MYLK4: variants seen among roughly 807,000 people sequenced by gnomAD.
MYLK4 encodes myosin light chain kinase family member 4.
Under a neutral mutation model 48.1 loss-of-function variants are expected in MYLK4, and 46 were observed. The observed-to-expected ratio is 0.96, with a 90% CI of 0.75 to 1.22. The LOEUF (loss-of-function observed/expected upper bound fraction) is 1.22. Ranked by LOEUF, MYLK4 falls within the 50% of genes most tolerant of loss-of-function variation. MYLK4 has a pLI of 0.00. For missense variants in MYLK4, 451 were observed against 486.1 expected (o/e 0.93, Z 0.68); for synonymous variants, 170 against 180.8 (o/e 0.94, Z 0.48).
chr6:2,768,920 C>T, the MYLK4 span: 16 of 1,565,370 alleles, frequency 1.0e-5, no homozygotes, highest in East Asian at 1.4e-4. Context: ...TCGTTGTGAA[C>T]ATCAAACAAT....
At chr6:2,699,764 C>T (rs1475781121) in intron 2 of MYLK4, among the ~76,000 whole-genome samples, 2 of 152,064 alleles carry the variant, frequency 1.3e-5, no homozygotes, top group Admixed American at 6.5e-5. Flanking sequence ...GTTATATGTT[C>T]GGAGCTGAGG....
At chr6:2,763,860 C>G in the MYLK4 span, among the ~76,000 whole-genome samples, 2,543 of 148,952 alleles carry the variant, frequency 0.017, 71 homozygotes, top group African/African-American at 0.058. Context: ...AAAAAAAAAG[C>G]TCACGGTCGG....
chr6:2,748,864 G>A (rs1350104784), intron 2 of MYLK4, among the ~76,000 whole-genome samples: 1 of 152,324 alleles, frequency 6.6e-6, no homozygotes, highest in South Asian at 2.1e-4. Flanking sequence ...TCATGCTAAA[G>A]GATTCTTCTT....
chr6:2,678,125 T>C (rs1157664956), intron 10 of MYLK4, 95 bp downstream of exon 10: 1 of 1,446,846 alleles, frequency 6.9e-7, no homozygotes, highest in South Asian at 1.3e-5. Flanking sequence ...GCATCACAGA[T>C]GTTAGTAAGA....
At chr6:2,674,699 C>CT (rs1190957901) in intron 11 of MYLK4, among the ~76,000 whole-genome samples, 1 of 152,086 alleles carries the variant, frequency 6.6e-6, no homozygotes, top group African/African-American at 2.4e-5. Flanking sequence ...TGGTGAAACT[C>CT]TGTTTCCACT....
Position 2,685,362 on chromosome 6 carries a change from TG to T in MYLK4, c.478del (p.His160ThrfsTer40), listed in dbSNP as rs1198709412. ...NEISVMNQLD[H>X]ANLIQLYDAF... ...ATCGTACAGCTGGATGAGGTTCGCG[TG>T]GTCCAGCTGGTTCATGACGCTGATC... is the stretch of plus-strand genomic sequence containing the variant. On this transcript the variant is annotated frameshift_variant, in exon 6 of 13. Coordinates refer to ENST00000274643, the MANE Select transcript of MYLK4 (RefSeq NM_001012418.5). LOFTEE classifies it high-confidence loss of function. This position sits in a 1 kb window ranked among gnomAD's most constrained non-coding sequence, Gnocchi z 4.5. The T allele has an allele frequency of 6.2e-7, 1 of 1,609,436 alleles. No homozygotes were observed.
intron 2 of MYLK4, among the ~76,000 whole-genome samples, chr6:2,712,455 T>C (rs1582081933): frequency 1.3e-5 from 2 of 152,322 alleles, no homozygotes; most frequent in Admixed American, 1.3e-4. Context: ...ACATCGCCAG[T>C]GATGTAAAAG....
Position 2,678,204 on chromosome 6 carries a change from G to A in MYLK4, c.1040+16C>T, listed in dbSNP as rs750707358. The A allele has an allele frequency of 2.4e-5, 39 of 1,612,736 alleles. No homozygotes were observed. The highest frequency in any genetic ancestry group is 6.7e-5 in the Admixed American group (4 of 59,950). On this transcript the variant is annotated intron_variant, in intron 10 of 12. Coordinates refer to ENST00000274643, the MANE Select transcript of MYLK4 (RefSeq NM_001012418.5). Reference sequence around the variant, plus strand: ...CATCCCTACTGCGCCCGGAGCACAGGACGAACTTGCGTTACCTCTTCTCCT... The same window carrying A: ...CATCCCTACTGCGCCCGGAGCACAGAACGAACTTGCGTTACCTCTTCTCCT...
chr6:2,665,338 T>G lies in MYLK4; in HGVS notation c.*2587A>C, dbSNP rs571796798. 6.6e-6 allele frequency: 1 copy of G among 152,340 alleles called. No homozygotes were observed. The highest frequency in any genetic ancestry group is 6.5e-5 in the Admixed American group (1 of 15,300). The allele number at this position is 152,340 out of a possible 1,614,324, so 9.4% of individuals were successfully genotyped here. ...AACACTAGACTGATAATCTCCCATTTCAAGTAACTCTAGACTGTAATCATG... is the reference window on the plus strand; with the variant it reads ...AACACTAGACTGATAATCTCCCATTGCAAGTAACTCTAGACTGTAATCATG... On this transcript the variant is annotated 3_prime_UTR_variant, in exon 13 of 13. Transcript: ENST00000274643.
chr6:2,711,600 C>A (rs1156668216), intron 2 of MYLK4, among the ~76,000 whole-genome samples: 2 of 152,212 alleles, frequency 1.3e-5, no homozygotes, highest in African/African-American at 2.4e-5. Context: ...GTTTATCCTG[C>A]ATGAGCTTTG....
At chr6:2,747,226 T>A (rs186816411) in intron 2 of MYLK4, among the ~76,000 whole-genome samples, 102 of 152,268 alleles carry the variant, frequency 6.7e-4, no homozygotes, top group African/African-American at 2.3e-3. Context: ...CAGTCTCAAT[T>A]TTTCCCTCAA....
At chr6:2,679,208 T>C in intron 9 of MYLK4, 72 bp downstream of exon 9, 2 of 1,580,710 alleles carry the variant, frequency 1.3e-6, no homozygotes, top group Non-Finnish European at 1.7e-6. Flanking sequence ...GGGGCTTTTA[T>C]TTAAAACGGC....
the MYLK4 span, among the ~76,000 whole-genome samples, chr6:2,757,417 C>T: frequency 6.6e-6 from 1 of 152,080 alleles, no homozygotes; most frequent in Non-Finnish European, 1.5e-5. Flanking sequence ...GCATATTGCT[C>T]TGATTTTTAT....
At chr6:2,684,299 G>A (rs935581507) in intron 6 of MYLK4, among the ~76,000 whole-genome samples, 1 of 152,108 alleles carries the variant, frequency 6.6e-6, no homozygotes, top group Admixed American at 6.6e-5. Flanking sequence ...GGACCGAGCG[G>A]GACGGTGGGA....
intron 1 of MYLK4, 103 bp from the exon 2 acceptor site, chr6:2,749,509 G>A: frequency 2.6e-6 from 1 of 391,100 alleles, no homozygotes; most frequent in Non-Finnish European, 4.6e-6. Context: ...TGTTTAAACT[G>A]GAGAGAGGAT....
chr6:2,729,289 G>C (rs1763392966), intron 2 of MYLK4, among the ~76,000 whole-genome samples: 1 of 152,208 alleles, frequency 6.6e-6, no homozygotes, highest in South Asian at 2.1e-4. Flanking sequence ...AGCCACTGGG[G>C]CCAGGAGGAT....
chr6:2,683,962 C>T (rs1286981674), intron 6 of MYLK4, among the ~76,000 whole-genome samples: 6 of 152,140 alleles, frequency 3.9e-5, no homozygotes, highest in Non-Finnish European at 7.4e-5. Flanking sequence ...CAAGACCCTC[C>T]GTGGATGCCT....
chr6:2,752,244 A>C (rs757060133), upstream of MYLK4, among the ~76,000 whole-genome samples: 8 of 152,226 alleles, frequency 5.3e-5, no homozygotes, highest in African/African-American at 1.9e-4. Flanking sequence ...ATCTACAGAA[A>C]AGGTGCAAAG....
At chr6:2,713,523 G>C (rs1259667271) in intron 2 of MYLK4, among the ~76,000 whole-genome samples, 1 of 152,248 alleles carries the variant, frequency 6.6e-6, no homozygotes, top group Non-Finnish European at 1.5e-5. Context: ...TTCTGTGTGT[G>C]TCTCAGTGTG....
Sources: gnomAD v4.1 joint callset for allele counts (sites outside exome capture counted in the v4.1 genomes callset) on GRCh38, gnomAD v4.1.1 for gene constraint, Gnocchi (gnomAD v3.1) non-coding constraint, MANE v1.5 for transcripts, NCBI Gene and HGNC (gene_info 2026-07-23, HGNC 2026-07-21) for gene names.